Variants in PTPRN2 observed in about 807,000 individuals in gnomAD.
PTPRN2 encodes the protein protein tyrosine phosphatase receptor type N2.
In PTPRN2, 74 loss-of-function variants were observed where a neutral mutation model predicts 118.8. The ratio of observed to expected loss-of-function variants is 0.62; its 90% CI spans 0.52 to 0.76. The LOEUF (loss-of-function observed/expected upper bound fraction) is 0.76. Among genes scored for constraint, PTPRN2 ranks in the 30% least tolerant of loss-of-function variants. The pLI is 0.00. For missense variants in PTPRN2, 1,481 were observed against 1,394.4 expected (o/e 1.06, Z -0.99); for synonymous variants, 641 against 608.0 (o/e 1.05, Z -0.80).
rs140607522 is a variant in PTPRN2 at position 158,118,768 on chromosome 7, C to T, written c.1557-7853G>A. 4.5e-3 allele frequency among the ~76,000 whole-genome samples: 688 copies of T among 152,260 alleles called. 10 individuals carry two copies. Among genetic ancestry groups the T allele is most frequent in the African/African-American group, 0.016 (653 of 41,548 alleles). Reference sequence around the variant, plus strand: ...CCAGGCTGGAGTGCAGTGGCATGATCGTTGCTCACTGCAGCCTCAACCTTT... The same window carrying T: ...CCAGGCTGGAGTGCAGTGGCATGATTGTTGCTCACTGCAGCCTCAACCTTT... On this transcript the variant is annotated intron_variant, in intron 9 of 22. Transcript: ENST00000389418.
chr7:157,543,385 AGCCAGGCTCAG>A (rs751902317), intron 22 of PTPRN2, among the ~76,000 whole-genome samples: 2 of 152,268 alleles, frequency 1.3e-5, no homozygotes, highest in Non-Finnish European at 2.9e-5. Context: ...GGGACGGCCG[AGCCAGGCTCAG>A]GCCAGGTCAG....
chr7:157,806,370 A>G (rs1233503976), intron 12 of PTPRN2, among the ~76,000 whole-genome samples: 2 of 152,184 alleles, frequency 1.3e-5, no homozygotes, highest in African/African-American at 4.8e-5. Flanking sequence ...ATATCTACAT[A>G]TGTATTCATG....
intron 4 of PTPRN2, among the ~76,000 whole-genome samples, chr7:158,199,423 A>C (rs1313375392): frequency 6.6e-6 from 1 of 152,206 alleles, no homozygotes; most frequent in Non-Finnish European, 1.5e-5. Context: ...GTGGGAAGAG[A>C]AGAACCAGCA....
chr7:158,369,637 A>G (rs944878349), intron 2 of PTPRN2, among the ~76,000 whole-genome samples: 1 of 152,224 alleles, frequency 6.6e-6, no homozygotes, highest in South Asian at 2.1e-4. Context: ...TTCCCGTTAT[A>G]AGGATAAAAA....
intron 12 of PTPRN2, among the ~76,000 whole-genome samples, chr7:157,853,176 C>T (rs538514167): frequency 3.9e-4 from 60 of 152,290 alleles, no homozygotes; most frequent in African/African-American, 1.4e-3. Flanking sequence ...TCACTGGCAA[C>T]ACCACACTGC....
chr7:158,009,986 CCTT>C (rs1235176368), intron 11 of PTPRN2, among the ~76,000 whole-genome samples: 1 of 152,190 alleles, frequency 6.6e-6, no homozygotes, highest in Non-Finnish European at 1.5e-5. Flanking sequence ...TCCCGCCCAT[CCTT>C]CAAGACCAGG....
At chr7:157,998,715 C>G (rs1328459546) in intron 11 of PTPRN2, among the ~76,000 whole-genome samples, 1 of 149,200 alleles carries the variant, frequency 6.7e-6, no homozygotes, top group Non-Finnish European at 1.5e-5. Context: ...CCCAGCTACT[C>G]GGGATGCTGT....
intron 10 of PTPRN2, among the ~76,000 whole-genome samples, chr7:158,082,762 T>C (rs1431412246): frequency 6.6e-6 from 1 of 152,206 alleles, no homozygotes; most frequent in Admixed American, 6.5e-5. Flanking sequence ...CCCACTGTGA[T>C]CTTCTAGTCC....
intron 1 of PTPRN2, among the ~76,000 whole-genome samples, chr7:158,506,172 T>C (rs758506741): frequency 5.9e-5 from 9 of 152,106 alleles, no homozygotes; most frequent in Non-Finnish European, 8.8e-5. Context: ...AGAGGCTCCA[T>C]GGGAGGCTTC....
At chr7:158,524,573 G>C (rs1479485790) in intron 1 of PTPRN2, among the ~76,000 whole-genome samples, 1 of 152,040 alleles carries the variant, frequency 6.6e-6, no homozygotes, top group Non-Finnish European at 1.5e-5. Flanking sequence ...AGTGAAGCCA[G>C]ATCGCTGAGG....
chr7:158,161,390 A>G (rs1357020240), intron 6 of PTPRN2, among the ~76,000 whole-genome samples: 1 of 152,202 alleles, frequency 6.6e-6, no homozygotes, highest in Non-Finnish European at 1.5e-5. Flanking sequence ...GACACAGACA[A>G]ACAGATCAAT....
intron 11 of PTPRN2, among the ~76,000 whole-genome samples, chr7:157,906,556 T>C (rs919772493): frequency 3.9e-5 from 6 of 152,112 alleles, no homozygotes; most frequent in African/African-American, 1.4e-4. Flanking sequence ...GTAATAGGTA[T>C]TCTATGAAAA....
intron 3 of PTPRN2, among the ~76,000 whole-genome samples, chr7:158,284,860 C>G (rs2151008361): frequency 6.6e-6 from 1 of 152,320 alleles, no homozygotes; most frequent in African/African-American, 2.4e-5. Context: ...TTGAGCTGGA[C>G]TTTTAAAGCA....
chr7:158,125,589 ATCT>A (rs1264631744), intron 9 of PTPRN2, among the ~76,000 whole-genome samples: 8 of 152,286 alleles, frequency 5.3e-5, no homozygotes, highest in South Asian at 2.1e-4. Context: ...ACCACCTGAA[ATCT>A]TCTTAAATGA....
In PTPRN2 at chr7:157,910,354, G is replaced by C. The variant is rs549460782; in HGVS notation, c.1724-11617C>G. Among the ~76,000 whole-genome samples the C allele has an allele frequency of 8.8e-3, 1,301 of 147,618 alleles. 36 individuals carry two copies. Among genetic ancestry groups the C allele is most frequent in the African/African-American group, 0.032 (1,232 of 38,882 alleles). On this transcript the variant is annotated intron_variant, in intron 11 of 22. Coordinates refer to ENST00000389418, the MANE Select transcript of PTPRN2 (RefSeq NM_002847.5). Reference sequence around the variant, plus strand: ...CACGTACGCCGTGGGAACGGGTCCAGGATCAGGCACGTACGCCGGATCACG... The same window carrying C: ...CACGTACGCCGTGGGAACGGGTCCACGATCAGGCACGTACGCCGGATCACG...
chr7:158,415,928 C>A (rs1814620049), intron 2 of PTPRN2, among the ~76,000 whole-genome samples: 1 of 152,200 alleles, frequency 6.6e-6, no homozygotes, highest in Non-Finnish European at 1.5e-5. Context: ...GCCCCTGCCA[C>A]CCCTGTGTCT....
At chr7:158,391,910 C>T (rs1410872684) in intron 2 of PTPRN2, among the ~76,000 whole-genome samples, 1 of 152,230 alleles carries the variant, frequency 6.6e-6, no homozygotes, top group Non-Finnish European at 1.5e-5. Context: ...CCTGGGATGA[C>T]GCCCTCAGGA....
chr7:158,279,389 C>T (rs182407649), intron 3 of PTPRN2, among the ~76,000 whole-genome samples: 59 of 152,300 alleles, frequency 3.9e-4, no homozygotes, highest in Admixed American at 1.8e-3. Flanking sequence ...ACCCTCCCAG[C>T]AGCCCAGCCA....
In PTPRN2 at chr7:158,279,695, G is replaced by A. The variant is rs917813558; in HGVS notation, c.277+37124C>T. 1.1e-4 allele frequency among the ~76,000 whole-genome samples: 17 copies of A among 151,986 alleles called. No individual in the cohort carries two copies. The Middle Eastern group carries it at 0.01, about 92-fold the overall frequency. On this transcript the variant is annotated intron_variant, in intron 3 of 22. Coordinates refer to ENST00000389418, the MANE Select transcript of PTPRN2 (RefSeq NM_002847.5). ...GCCCACAAGCCCCGTGTGCAGCCCC[G>A]GCTCCCATCCGCGCTTCTCCCTCCA...
Sources: gnomAD v4.1 joint callset for allele counts (sites outside exome capture counted in the v4.1 genomes callset) on GRCh38, gnomAD v4.1.1 for gene constraint, MANE v1.5 for transcripts, NCBI Gene and HGNC (gene_info 2026-07-23, HGNC 2026-07-21) for gene names.